Variants in MTURN observed in about 807,000 individuals in gnomAD.
MTURN encodes maturin.
In MTURN, 7 loss-of-function variants were observed where a neutral mutation model predicts 14.9. The ratio of observed to expected loss-of-function variants is 0.47; its 90% CI spans 0.27 to 0.88. The LOEUF (loss-of-function observed/expected upper bound fraction) is 0.88. Ranked by LOEUF, MTURN falls within the 40% of genes least tolerant of loss-of-function variation. The probability of loss-of-function intolerance (pLI) is 0.14; values close to 1 mark genes in which losing one functional copy is unlikely to be tolerated. For missense variants in MTURN, 151 were observed against 174.1 expected (o/e 0.87, Z 0.75); for synonymous variants, 69 against 72.5 (o/e 0.95, Z 0.25).
chr7:30,138,742 T>C (rs1797004237), intron 1 of MTURN, among the ~76,000 whole-genome samples: 2 of 152,034 alleles, frequency 1.3e-5, no homozygotes, highest in South Asian at 4.1e-4. Context: ...CTGAATTGAC[T>C]TCCCATCTTT....
Position 30,135,394 on chromosome 7 carries a change from G to A in MTURN, c.162+96G>A, listed in dbSNP as rs886903305. On this transcript the variant is annotated intron_variant, in intron 1 of 2. Transcript: ENST00000324453. ...GCTCCCGCGCGGTGGGCGGCGGTGG[G>A]CGCAGAGTGGGGGGCCGTAACCCGC... is the stretch of plus-strand genomic sequence containing the variant. 3 of 1,197,776 alleles carry A rather than the reference G, an allele frequency of 2.5e-6. No homozygotes were observed. In the African/African-American group the frequency reaches 5.0e-5, roughly 20 times the overall value. 74.2% of individuals were successfully genotyped at this position (1,197,776 alleles called of 1,614,324 possible). A position where few individuals can be genotyped will look rare whatever the true frequency, so the allele number is the denominator to read the frequency against.
chr7:30,162,166 T>G lies in MTURN; in HGVS notation c.*4618T>G, dbSNP rs1797384682. Reference sequence around the variant, plus strand: ...GCCACATAAAAATAAATGTTTTAATTTACTTAGAGCTGTATTCAAGTTGTT... The same window carrying G: ...GCCACATAAAAATAAATGTTTTAATGTACTTAGAGCTGTATTCAAGTTGTT... On this transcript the variant is annotated 3_prime_UTR_variant, in exon 3 of 3. Coordinates refer to ENST00000324453, the MANE Select transcript of MTURN (RefSeq NM_152793.3). The G allele has an allele frequency of 6.6e-6, 1 of 152,202 alleles. No homozygotes were observed. Among genetic ancestry groups the G allele is most frequent in the African/African-American group, 2.4e-5 (1 of 41,438 alleles). 9.4% of individuals were successfully genotyped at this position (152,202 alleles called of 1,614,324 possible).
At chr7:30,146,136 T>C (rs1167597884) in intron 1 of MTURN, 41 bp from the exon 2 acceptor site, 7 of 1,612,720 alleles carry the variant, frequency 4.3e-6, no homozygotes, top group Non-Finnish European at 5.9e-6. Context: ...GTAGTGACTG[T>C]GTGTCTTTGT....
chr7:30,138,097 C>T (rs529698623), intron 1 of MTURN, among the ~76,000 whole-genome samples: 2 of 152,042 alleles, frequency 1.3e-5, no homozygotes, highest in Non-Finnish European at 2.9e-5. Context: ...AGTTATTTAA[C>T]CCCTCTATGC....
intron 2 of MTURN, among the ~76,000 whole-genome samples, chr7:30,156,694 G>A (rs1028612429): frequency 6.6e-6 from 1 of 152,008 alleles, no homozygotes; most frequent in Non-Finnish European, 1.5e-5. Context: ...GCATGGTGGT[G>A]TGCGTCTGTA....
At chr7:30,142,817 T>G (rs1043337823) in intron 1 of MTURN, among the ~76,000 whole-genome samples, 1 of 152,232 alleles carries the variant, frequency 6.6e-6, no homozygotes, top group Non-Finnish European at 1.5e-5. Flanking sequence ...TACCGCCTTA[T>G]TAGAGAGTCA....
At chr7:30,142,683 C>A (rs1259005556) in intron 1 of MTURN, among the ~76,000 whole-genome samples, 1 of 152,054 alleles carries the variant, frequency 6.6e-6, no homozygotes, top group African/African-American at 2.4e-5. Flanking sequence ...TTAAACTCTG[C>A]CCCCCCAGCA....
chr7:30,155,878 G>T (rs190517457), intron 2 of MTURN, among the ~76,000 whole-genome samples: 31 of 152,284 alleles, frequency 2.0e-4, no homozygotes, highest in Admixed American at 2.0e-4. Context: ...AGAGAGGAAG[G>T]GGGTGGCAGG....
chr7:30,139,945 G>T (rs931987942), intron 1 of MTURN, among the ~76,000 whole-genome samples: 9 of 152,174 alleles, frequency 5.9e-5, no homozygotes, highest in South Asian at 2.1e-4. Context: ...TGGCTCTACA[G>T]GTTTGATAAG....
chr7:30,139,020 G>A (rs989374387), intron 1 of MTURN, among the ~76,000 whole-genome samples: 1 of 152,134 alleles, frequency 6.6e-6, no homozygotes, highest in African/African-American at 2.4e-5. Context: ...GTTAGACTTG[G>A]CATTCTCTTT....
chr7:30,140,789 G>A (rs771808369), intron 1 of MTURN: 17 of 152,148 alleles, frequency 1.1e-4, no homozygotes, highest in Non-Finnish European at 2.2e-4. Context: ...GAGTAGTTAC[G>A]TCAATACAAG....
At chr7:30,137,463 C>T (rs1796981960) in intron 1 of MTURN, 9 of 388,508 alleles carry the variant, frequency 2.3e-5, no homozygotes, top group South Asian at 1.8e-4. Flanking sequence ...TCAGGCCTTT[C>T]TCTTGAGGCC....
chr7:30,137,652 G>T (rs145645362), intron 1 of MTURN: 1 of 471,020 alleles, frequency 2.1e-6, no homozygotes, highest in Non-Finnish European at 4.4e-6. Context: ...TGCCAACCTC[G>T]GGAGTTTTCC....
intron 1 of MTURN, among the ~76,000 whole-genome samples, chr7:30,140,714 T>C (rs1226741376): frequency 2.6e-5 from 4 of 152,138 alleles, no homozygotes; most frequent in African/African-American, 9.7e-5. Flanking sequence ...CCTGTTCATA[T>C]AGAGAGGTTA....
Position 30,151,098 on chromosome 7 carries a change from G to A in MTURN, c.285+4799G>A, listed in dbSNP as rs186930221. Among the ~76,000 whole-genome samples, 58 of 152,260 alleles carry A rather than the reference G, an allele frequency of 3.8e-4. No individual in the cohort carries two copies. In the East Asian group the frequency reaches 6.2e-3, roughly 16 times the overall value. On this transcript the variant is annotated intron_variant, in intron 2 of 2. Transcript: ENST00000324453. ...TGGATGCAGCCGGCCACCTTCCCTC[G>A]AGTGACCCACATTCTACTCCACTCC...
intron 1 of MTURN, among the ~76,000 whole-genome samples, chr7:30,142,635 T>C (rs1053398911): frequency 1.3e-5 from 2 of 152,202 alleles, no homozygotes; most frequent in Admixed American, 6.5e-5. Context: ...TCTGTCATTG[T>C]GTTTGAGTGA....
chr7:30,139,890 A>G (rs916765203), intron 1 of MTURN, among the ~76,000 whole-genome samples: 2 of 152,128 alleles, frequency 1.3e-5, no homozygotes, highest in African/African-American at 2.4e-5. Context: ...CAAAGCTGCT[A>G]GTGCCCTGTG....
intron 1 of MTURN, among the ~76,000 whole-genome samples, chr7:30,139,275 C>G (rs949532047): frequency 1.3e-5 from 2 of 152,194 alleles, no homozygotes; most frequent in South Asian, 4.1e-4. Flanking sequence ...ACGCTGCTCT[C>G]GGCACTTTAC....
chr7:30,139,423 C>T (rs1409483229), intron 1 of MTURN, among the ~76,000 whole-genome samples: 1 of 152,166 alleles, frequency 6.6e-6, no homozygotes, highest in Admixed American at 6.6e-5. Flanking sequence ...AGAGCAACTT[C>T]AACTATAGCC....
Sources: gnomAD v4.1 joint callset for allele counts (sites outside exome capture counted in the v4.1 genomes callset) on GRCh38, gnomAD v4.1.1 for gene constraint, MANE v1.5 for transcripts, NCBI Gene and HGNC (gene_info 2026-07-23, HGNC 2026-07-21) for gene names.